Variants in ENTPD3 observed in about 807,000 individuals in gnomAD.
ENTPD3 encodes the protein ectonucleoside triphosphate diphosphohydrolase 3.
In ENTPD3, 60 loss-of-function variants were observed where a neutral mutation model predicts 51.2. The ratio of observed to expected loss-of-function variants is 1.17; its 90% CI spans 0.95 to 1.45. The LOEUF is 1.45. Ranked by LOEUF, ENTPD3 falls within the 40% of genes most tolerant of loss-of-function variation. ENTPD3 has a pLI of 0.00. For missense variants in ENTPD3, 593 were observed against 641.1 expected, an observed-to-expected ratio of 0.93 and a Z score of 0.81; for synonymous variants, 221 against 238.4, an observed-to-expected ratio of 0.93 and a Z score of 0.67.
In ENTPD3 at chr3:40,428,678, AG is replaced by A. The variant is rs1218100213; in HGVS notation, c.*1172del. 5.3e-5 allele frequency: 8 copies of A among 152,202 alleles called. No homozygotes were observed. The highest frequency in any genetic ancestry group is 1.0e-4 in the Non-Finnish European group (7 of 68,032). The allele number at this position is 152,202 out of a possible 1,614,324, so 9.4% of individuals were successfully genotyped here. A position where few individuals can be genotyped will look rare whatever the true frequency, so the allele number is the denominator to read the frequency against. ...TGGTACTCTTTCTCCTAAGGACCCTAGGTGATATTTATGAGAGAAATTTTTT... is the reference window on the plus strand; with the variant it reads ...TGGTACTCTTTCTCCTAAGGACCCTAGTGATATTTATGAGAGAAATTTTTT... On this transcript the variant is annotated 3_prime_UTR_variant, in exon 11 of 11. Transcript: ENST00000301825.
chr3:40,421,089 T>TCTCGGTTTGCTGCAAC (rs1225699572), intron 7 of ENTPD3, among the ~76,000 whole-genome samples: 3 of 151,180 alleles, frequency 2.0e-5, no homozygotes, highest in African/African-American at 7.3e-5. Flanking sequence ...AATGGTGCAA[T>TCTCGGTTTGCTGCAAC]CTCGGTTTGC....
chr3:40,397,052 G>GGA (rs2125590852), intron 3 of ENTPD3, among the ~76,000 whole-genome samples: 1 of 150,544 alleles, frequency 6.6e-6, no homozygotes, highest in South Asian at 2.1e-4. Flanking sequence ...TCATCAGCCT[G>GGA]GATTTCTGGT....
In ENTPD3 at chr3:40,423,871, T is replaced by C; in HGVS notation, c.1261T>C (p.Tyr421His). ...PKFDEVYARS[Y>H]CFSANYIYHL... Reference sequence around the variant, plus strand: ...ATTTGATGAGGTATATGCCCGCTCTTACTGCTTCTCAGCCAACTACATCTA... The same window carrying C: ...ATTTGATGAGGTATATGCCCGCTCTCACTGCTTCTCAGCCAACTACATCTA... The change falls in exon 10 of 11, where the codon TAC (tyrosine) becomes CAC (histidine). Residue 421 changes from tyrosine to histidine, a missense_variant. By Grantham distance (83) the Tyr-to-His change is moderately conservative (BLOSUM62 2). Coordinates refer to ENST00000301825, the MANE Select transcript of ENTPD3 (RefSeq NM_001248.4). The C allele has an allele frequency of 6.2e-7, 1 of 1,614,168 alleles. No homozygotes were observed. Among genetic ancestry groups the C allele is most frequent in the Non-Finnish European group, 8.5e-7 (1 of 1,180,008 alleles).
At chr3:40,416,758 T>C (rs1955757446) in intron 7 of ENTPD3, among the ~76,000 whole-genome samples, 1 of 152,266 alleles carries the variant, frequency 6.6e-6, no homozygotes, top group Admixed American at 6.5e-5. Context: ...ACATCAATCT[T>C]AGCCATGGCT....
At chr3:40,406,989 A>G (rs1049624830) in intron 4 of ENTPD3, among the ~76,000 whole-genome samples, 1 of 152,180 alleles carries the variant, frequency 6.6e-6, no homozygotes, top group African/African-American at 2.4e-5. Context: ...AGGTAGGACC[A>G]ACATGATTTT....
intron 9 of ENTPD3, 112 bp from the exon 10 acceptor site, chr3:40,423,714 C>T: frequency 8.1e-7 from 1 of 1,231,396 alleles, no homozygotes; most frequent in Non-Finnish European, 1.1e-6. Flanking sequence ...AAAGTATTTT[C>T]TATTATGAAA....
rs573992538 is a variant in ENTPD3 at position 40,408,477 on chromosome 3, G to GGA, written c.287-3334_287-3333dup. Among the ~76,000 whole-genome samples, 41 of 152,220 alleles carry GGA rather than the reference G, an allele frequency of 2.7e-4. No homozygotes were observed. The South Asian group carries it at 7.9e-3, about 29-fold the overall frequency. ...TTGAAGCTGAATGATCAGTATATGG[G>GGA]GATTCATTTCACTAGTTTCACAGTA... is the stretch of plus-strand genomic sequence containing the variant. On this transcript the variant is annotated intron_variant, in intron 4 of 10. Transcript: ENST00000301825.
chr3:40,414,273 A>AGATGAGG (rs1221886941), intron 5 of ENTPD3, among the ~76,000 whole-genome samples: 4 of 152,202 alleles, frequency 2.6e-5, no homozygotes, highest in African/African-American at 9.6e-5. Context: ...CCGTCTGGTC[A>AGATGAGG]GATGAGGGTT....
intron 2 of ENTPD3, among the ~76,000 whole-genome samples, chr3:40,388,449 T>C (rs192297000): frequency 3.8e-4 from 58 of 152,278 alleles, no homozygotes; most frequent in Non-Finnish European, 6.8e-4. Context: ...ACTTGGATCT[T>C]TCCTGTATTC....
intron 7 of ENTPD3, among the ~76,000 whole-genome samples, chr3:40,420,536 GC>G (rs1955846065): frequency 6.6e-6 from 1 of 151,964 alleles, no homozygotes; most frequent in Non-Finnish European, 1.5e-5. Flanking sequence ...ACCACGCCCC[GC>G]ATATTTTTTC....
chr3:40,405,596 C>T (rs1179927788), intron 4 of ENTPD3, among the ~76,000 whole-genome samples: 6 of 151,994 alleles, frequency 3.9e-5, no homozygotes, highest in African/African-American at 9.7e-5. Context: ...AGTTTTGTGC[C>T]GTCTGTTTAA....
intron 2 of ENTPD3, among the ~76,000 whole-genome samples, chr3:40,389,462 A>T (rs1476139133): frequency 6.6e-6 from 1 of 152,196 alleles, no homozygotes; most frequent in Non-Finnish European, 1.5e-5. Context: ...CTTGTGTCTA[A>T]GTCATTTTAC....
chr3:40,389,858 G>A (rs1559506090), intron 2 of ENTPD3, among the ~76,000 whole-genome samples: 4 of 152,162 alleles, frequency 2.6e-5, no homozygotes, highest in Admixed American at 2.0e-4. Flanking sequence ...CAGAAATAAT[G>A]GAGGGGTAAA....
intron 10 of ENTPD3, among the ~76,000 whole-genome samples, chr3:40,424,456 A>T (rs1955945466): frequency 1.3e-5 from 2 of 152,366 alleles, no homozygotes; most frequent in South Asian, 4.1e-4. Context: ...CATTAGCATT[A>T]AATAAATATT....
intron 4 of ENTPD3, among the ~76,000 whole-genome samples, chr3:40,408,833 A>T (rs1955561523): frequency 6.6e-6 from 1 of 152,106 alleles, no homozygotes; most frequent in Non-Finnish European, 1.5e-5. Flanking sequence ...GGAGTTTGAG[A>T]CCAGCCTGGG....
rs1575234357 is a variant in ENTPD3 at position 40,422,973 on chromosome 3, C to A, written c.955C>A (p.Pro319Thr). The A allele has an allele frequency of 6.2e-7, 1 of 1,614,044 alleles. No homozygotes were observed. Among genetic ancestry groups the A allele is most frequent in the Non-Finnish European group, 8.5e-7 (1 of 1,179,984 alleles). ...TVDQRPESYN[P>T]NDVITFEGTG... The stretch of plus-strand genomic sequence containing the variant: ...GGACCAGAGGCCAGAAAGTTATAAC[C>A]CCAATGATGTCATCACTTTTGAAGG... Residue 319 changes from proline to threonine, a missense_variant, in exon 8 of 11, where the codon CCC becomes ACC. Transcript: ENST00000301825.
At chr3:40,398,064 T>C (rs930190369) in intron 3 of ENTPD3, among the ~76,000 whole-genome samples, 13 of 152,142 alleles carry the variant, frequency 8.5e-5, no homozygotes, top group African/African-American at 3.1e-4. Context: ...TGTCAGTGAA[T>C]GATGGTAGGG....
intron 2 of ENTPD3, among the ~76,000 whole-genome samples, chr3:40,388,431 TGTACA>T (rs1954986187): frequency 6.6e-6 from 1 of 152,170 alleles, no homozygotes; most frequent in African/African-American, 2.4e-5. Context: ...TGTGATCAAT[TGTACA>T]GTACTTGGAT....
In ENTPD3 at chr3:40,410,762, T is replaced by C. The variant is rs544440960; in HGVS notation, c.287-1050T>C. ...AAGAAATTGCAAGTAAAATTTTTAATAATTAGGAGAAAAATAGAAAGGGAA... is the reference window on the plus strand; with the variant it reads ...AAGAAATTGCAAGTAAAATTTTTAACAATTAGGAGAAAAATAGAAAGGGAA... On this transcript the variant is annotated intron_variant, in intron 4 of 10. Transcript: ENST00000301825. 4.0e-5 allele frequency among the ~76,000 whole-genome samples: 6 copies of C among 151,408 alleles called. No individual in the cohort carries two copies. The South Asian group carries it at 6.2e-4, about 16-fold the overall frequency.
Sources: allele counts gnomAD v4.1 joint callset (sites outside exome capture counted in the v4.1 genomes callset), GRCh38; gene constraint gnomAD v4.1.1; transcripts MANE v1.5; gene names NCBI Gene and HGNC (gene_info 2026-07-23, HGNC 2026-07-21).